LYPLAL1: variants seen among roughly 807,000 people sequenced by gnomAD.
The protein encoded by LYPLAL1 is lysophospholipase-like protein 1.
A neutral mutation model predicts 19.7 loss-of-function variants in LYPLAL1; 23 were observed. That is an observed-to-expected ratio of 1.17 (90% confidence interval 0.84 to 1.65). The LOEUF (loss-of-function observed/expected upper bound fraction) is 1.65, where lower values mean the gene tolerates loss of function less well. Ranked by LOEUF, LYPLAL1 falls within the 40% of genes most tolerant of loss-of-function variation. LYPLAL1 has a pLI of 0.00. For missense variants in LYPLAL1, 355 were observed against 279.4 expected (o/e 1.27, Z -1.93); for synonymous variants, 119 against 96.3 (o/e 1.24, Z -1.38).
chr1:219,218,621 A>T, the LYPLAL1 span, among the ~76,000 whole-genome samples: 7 of 152,188 alleles, frequency 4.6e-5, no homozygotes, highest in Non-Finnish European at 8.8e-5. Flanking sequence ...CTTGATGTAA[A>T]CATTTCAAGA....
chr1:219,262,548 C>G, the LYPLAL1 span, among the ~76,000 whole-genome samples: 1 of 152,210 alleles, frequency 6.6e-6, no homozygotes, highest in Admixed American at 6.5e-5. Context: ...AGTGCTCTCC[C>G]ACTTTCCCTA....
chr1:219,318,632 C>A, the LYPLAL1 span, among the ~76,000 whole-genome samples: 27 of 152,150 alleles, frequency 1.8e-4, no homozygotes, highest in Non-Finnish European at 3.4e-4. Flanking sequence ...GACCACAACC[C>A]ATAATGACTA....
chr1:219,286,255 T>C, the LYPLAL1 span, among the ~76,000 whole-genome samples: 1 of 152,154 alleles, frequency 6.6e-6, no homozygotes, highest in Non-Finnish European at 1.5e-5. Flanking sequence ...ATGAGATCAT[T>C]TGGGGACTAG....
chr1:219,418,269 C>T, the LYPLAL1 span, among the ~76,000 whole-genome samples: 2 of 152,126 alleles, frequency 1.3e-5, no homozygotes, highest in East Asian at 3.9e-4. Flanking sequence ...AGGACGGACC[C>T]TAGGTCTCTG....
At chr1:219,422,747 G>A in the LYPLAL1 span, among the ~76,000 whole-genome samples, 1 of 152,128 alleles carries the variant, frequency 6.6e-6, no homozygotes, top group Admixed American at 6.5e-5. Context: ...GATGCTTGGG[G>A]AGCAGGCTTT....
chr1:219,330,799 G>A, the LYPLAL1 span, among the ~76,000 whole-genome samples: 6 of 152,128 alleles, frequency 3.9e-5, no homozygotes, highest in South Asian at 4.1e-4. Context: ...CTTTGCGTTC[G>A]CATCTGTCAC....
the LYPLAL1 span, among the ~76,000 whole-genome samples, chr1:219,232,941 A>T: frequency 0.012 from 1,808 of 152,254 alleles, 30 homozygotes; most frequent in Non-Finnish European, 0.018. Flanking sequence ...TGTTGTGATG[A>T]TGTAAAATAA....
chr1:219,422,728 C>T, the LYPLAL1 span, among the ~76,000 whole-genome samples: 126,816 of 152,124 alleles, frequency 0.83, 53,454 homozygotes, highest in African/African-American at 0.94. Context: ...TGGATAAAAT[C>T]GTTGGTTGGA....
At chr1:219,238,327 T>TTTG in the LYPLAL1 span, among the ~76,000 whole-genome samples, 3 of 143,330 alleles carry the variant, frequency 2.1e-5, no homozygotes, top group South Asian at 6.8e-4. Flanking sequence ...TTTTTTTTTT[T>TTTG]TTTTTAGTAG....
At chr1:219,222,641 A>C in the LYPLAL1 span, 1 of 152,128 alleles carries the variant, frequency 6.6e-6, no homozygotes, top group African/African-American at 2.4e-5. Flanking sequence ...CTGTCTAGCA[A>C]CTTGCTTGGT....
the LYPLAL1 span, among the ~76,000 whole-genome samples, chr1:219,290,304 A>G: frequency 6.6e-6 from 1 of 152,180 alleles, no homozygotes; most frequent in African/African-American, 2.4e-5. Flanking sequence ...GAGGAACTCC[A>G]TCTTGAGTGA....
At chr1:219,297,929 A>G in the LYPLAL1 span, among the ~76,000 whole-genome samples, 2 of 152,214 alleles carry the variant, frequency 1.3e-5, no homozygotes, top group South Asian at 2.1e-4. Flanking sequence ...TAACAATTCT[A>G]TAAAACCCAT....
chr1:219,295,344 C>A, the LYPLAL1 span, among the ~76,000 whole-genome samples: 1 of 152,086 alleles, frequency 6.6e-6, no homozygotes, highest in Admixed American at 6.6e-5. Flanking sequence ...CATCTTCATA[C>A]CACCCACCTC....
the LYPLAL1 span, among the ~76,000 whole-genome samples, chr1:219,391,879 C>A: frequency 6.6e-6 from 1 of 152,196 alleles, no homozygotes; most frequent in Non-Finnish European, 1.5e-5. Flanking sequence ...TTATTAACTT[C>A]TGCACCTCTT....
the LYPLAL1 span, among the ~76,000 whole-genome samples, chr1:219,341,261 A>C: frequency 6.6e-6 from 1 of 152,124 alleles, no homozygotes; most frequent in Admixed American, 6.6e-5. Context: ...CATGGAGTGC[A>C]TAAAGTTAAT....
chr1:219,283,529 G>A, the LYPLAL1 span, among the ~76,000 whole-genome samples: 600 of 152,246 alleles, frequency 3.9e-3, 4 homozygotes, highest in African/African-American at 0.011. Flanking sequence ...AAGCTGTTTC[G>A]TGCTAGTTGA....
chr1:219,385,166 A>AGAAAGCAC, the LYPLAL1 span, among the ~76,000 whole-genome samples: 4 of 152,204 alleles, frequency 2.6e-5, no homozygotes, highest in Admixed American at 1.3e-4. Context: ...CATTTTGAAA[A>AGAAAGCAC]GAAAGCACTC....
chr1:219,259,803 A>G, the LYPLAL1 span, among the ~76,000 whole-genome samples: 4 of 151,584 alleles, frequency 2.6e-5, no homozygotes, highest in Non-Finnish European at 4.4e-5. Flanking sequence ...ATATAAATAA[A>G]TTAAGAAAAA....
chr1:219,349,550 T>G, the LYPLAL1 span, among the ~76,000 whole-genome samples: 1 of 152,100 alleles, frequency 6.6e-6, no homozygotes, highest in Non-Finnish European at 1.5e-5. Flanking sequence ...AGAGTGTGCG[T>G]GCATGTGATC....
Sources: gnomAD v4.1 joint callset for allele counts (sites outside exome capture counted in the v4.1 genomes callset) on GRCh38, gnomAD v4.1.1 for gene constraint, MANE v1.5 for transcripts, NCBI Gene and HGNC (gene_info 2026-07-23, HGNC 2026-07-21) for gene names.